Variants in ADGRG2 observed in about 807,000 individuals in gnomAD.
ADGRG2 encodes G protein-coupled receptor 64.
In ADGRG2, 26 loss-of-function variants were observed where a neutral mutation model predicts 74.1. The ratio of observed to expected loss-of-function variants is 0.35; its 90% CI spans 0.26 to 0.49. The LOEUF (loss-of-function observed/expected upper bound fraction) is 0.49, where lower values mean the gene tolerates loss of function less well. Among genes scored for constraint, ADGRG2 ranks in the 20% least tolerant of loss-of-function variants. The pLI is 0.99. For missense variants in ADGRG2, 619 were observed against 763.1 expected (o/e 0.81, Z 2.22); for synonymous variants, 296 against 295.2 (o/e 1.00, Z -0.03).
Position 19,065,590 on chromosome X carries a change from T to A in ADGRG2, c.118+3127A>T, listed in dbSNP as rs775477799. On this transcript the variant is annotated intron_variant, in intron 3 of 28. Transcript: ENST00000379869. ...ACATAATTTTTCAAAAAGACATATT[T>A]CTAACAAACAGCTTTCATTTGGATG... is the stretch of plus-strand genomic sequence containing the variant. Among the ~76,000 whole-genome samples, 84 of 112,158 alleles carry A rather than the reference T, an allele frequency of 7.5e-4. 1 individual carries two copies. Among genetic ancestry groups the A allele is most frequent in the African/African-American group, 2.5e-3 (78 of 30,893 alleles).
intron 3 of ADGRG2, among the ~76,000 whole-genome samples, 170 bp from the exon 4 acceptor site, chrX:19,040,394 A>G (rs964782500): frequency 8.9e-6 from 1 of 112,050 alleles, no homozygotes; most frequent in African/African-American, 3.2e-5. Flanking sequence ...TTCACTATCC[A>G]TATGTACTCC....
intron 1 of ADGRG2, among the ~76,000 whole-genome samples, chrX:19,099,860 C>T (rs2062157850): frequency 9.0e-6 from 1 of 111,155 alleles, no homozygotes; most frequent in Admixed American, 9.6e-5. Flanking sequence ...CATAGAGAAA[C>T]CCCATCTCTA....
intron 24 of ADGRG2, among the ~76,000 whole-genome samples, chrX:19,000,264 T>G (rs758057101): frequency 6.2e-4 from 70 of 112,125 alleles, no homozygotes; most frequent in African/African-American, 2.2e-3. Flanking sequence ...CCCAAAGTGC[T>G]GGGATTGCAG....
At chrX:19,032,456 T>C (rs1016754026) in intron 8 of ADGRG2, 10 of 112,112 alleles carry the variant, frequency 8.9e-5, no homozygotes, top group African/African-American at 3.2e-4. Flanking sequence ...ATTGCTGTAT[T>C]ACTTACTAAA....
rs767969300 is a variant in ADGRG2 at position 19,074,318 on chromosome X, C to T, written c.-1-5483G>A. On this transcript the variant is annotated intron_variant, in intron 2 of 28. Transcript: ENST00000379869. ...GCAGTGGCATGACCACGGTTCACTGCAGCCTCAACCTCGTGGGCTCAATTG... is the reference window on the plus strand; with the variant it reads ...GCAGTGGCATGACCACGGTTCACTGTAGCCTCAACCTCGTGGGCTCAATTG... 1.6e-4 allele frequency among the ~76,000 whole-genome samples: 11 copies of T among 69,776 alleles called. No homozygotes were observed. In the Admixed American group the frequency reaches 1.7e-3, roughly 11 times the overall value. 60.6% of individuals were successfully genotyped at this position (69,776 alleles called of 115,157 possible). A position where few individuals can be genotyped will look rare whatever the true frequency, so the allele number is the denominator to read the frequency against.
intron 17 of ADGRG2, among the ~76,000 whole-genome samples, chrX:19,010,123 GT>G (rs946891811): frequency 7.2e-4 from 67 of 93,081 alleles, no homozygotes; most frequent in East Asian, 1.0e-3. Flanking sequence ...TTTTGTTTTT[GT>G]TTTTTTTTTT....
intron 1 of ADGRG2, among the ~76,000 whole-genome samples, chrX:19,113,722 T>C (rs1168686754): frequency 8.9e-6 from 1 of 112,076 alleles, no homozygotes; most frequent in Non-Finnish European, 1.9e-5. Flanking sequence ...GTGTTCTTTG[T>C]ACTTTTTAAA....
chrX:19,045,333 A>G (rs1185811035), intron 3 of ADGRG2, among the ~76,000 whole-genome samples: 2 of 105,047 alleles, frequency 1.9e-5, no homozygotes, highest in African/African-American at 7.2e-5. Context: ...TTTGAGACAG[A>G]GTCTCGCTCT....
At chrX:19,105,800 G>A (rs1224611285) in intron 1 of ADGRG2, among the ~76,000 whole-genome samples, 1 of 108,680 alleles carries the variant, frequency 9.2e-6, no homozygotes, top group Non-Finnish European at 1.9e-5. Context: ...AAATTAGCAT[G>A]GTGGCGTGCA....
rs1263293183 is a variant in ADGRG2 at position 19,093,053 on chromosome X, G to T, written c.-46-10307C>A. 2.7e-5 allele frequency among the ~76,000 whole-genome samples: 3 copies of T among 111,591 alleles called. No individual in the cohort carries two copies. In the Admixed American group the frequency reaches 2.9e-4, roughly 11 times the overall value. On this transcript the variant is annotated intron_variant, in intron 1 of 28. Transcript: ENST00000379869. ...GCTCTTTGGTGCCCAAATAGAAAAGGGGATCGTGTTTTATTCTGAAATCTC... is the reference window on the plus strand; with the variant it reads ...GCTCTTTGGTGCCCAAATAGAAAAGTGGATCGTGTTTTATTCTGAAATCTC...
chrX:19,066,541 C>T (rs1477917702), intron 3 of ADGRG2, among the ~76,000 whole-genome samples: 1 of 103,663 alleles, frequency 9.6e-6, no homozygotes. Context: ...CTGCAACCTC[C>T]GCCTCCTGGG....
At chrX:19,037,382 G>T in intron 6 of ADGRG2, 85 bp downstream of exon 6, 1 of 700,935 alleles carries the variant, frequency 1.4e-6, no homozygotes, top group Non-Finnish European at 2.1e-6. Flanking sequence ...AAATAATTTA[G>T]AAATGGAAAC....
intron 24 of ADGRG2, among the ~76,000 whole-genome samples, chrX:19,002,540 T>C (rs2060151734): frequency 8.9e-6 from 1 of 112,111 alleles, no homozygotes; most frequent in South Asian, 3.7e-4. Context: ...CACCCCAAGC[T>C]AATGTTTTCA....
rs768393533 is a variant in ADGRG2, at chrX:19,069,698, G to A, written c.-1-863C>T. ...CTTCAGAGGGATGGCTTGACAGTGC[G>A]ACTTCGGAGGAGTTCAGCCGCAGAT... On this transcript the variant is annotated intron_variant, in intron 2 of 28. Coordinates refer to ENST00000379869, the MANE Select transcript of ADGRG2 (RefSeq NM_001079858.3). 1.6e-3 allele frequency among the ~76,000 whole-genome samples: 179 copies of A among 111,067 alleles called. 1 individual carries two copies. Among genetic ancestry groups the A allele is most frequent in the African/African-American group, 5.6e-3 (171 of 30,525 alleles).
At chrX:19,004,612 A>T (rs1321241224) in intron 23 of ADGRG2, 146 bp downstream of exon 23, 3 of 526,475 alleles carry the variant, frequency 5.7e-6, no homozygotes, top group Admixed American at 3.3e-5. Flanking sequence ...ATATAAACCA[A>T]CAAGTCCCAT....
Position 19,040,241 on chromosome X carries a change from G to A in ADGRG2, c.119-17C>T. 1 of 1,084,567 alleles carries A rather than the reference G, an allele frequency of 9.2e-7. No homozygotes were observed. Among genetic ancestry groups the A allele is most frequent in the Non-Finnish European group, 1.3e-6 (1 of 785,879 alleles). 89.4% of individuals were successfully genotyped at this position (1,084,567 alleles called of 1,213,427 possible). A position where few individuals can be genotyped will look rare whatever the true frequency, so the allele number is the denominator to read the frequency against. Reference sequence around the variant, plus strand: ...CAGTATCTTCTGTTGAGGAAAAGAGGTGATTCAGAATTAGTTTCATGAGGA... The same window carrying A: ...CAGTATCTTCTGTTGAGGAAAAGAGATGATTCAGAATTAGTTTCATGAGGA... On this transcript the variant is annotated splice_polypyrimidine_tract_variant and intron_variant, in intron 3 of 28. Transcript: ENST00000379869.
At chrX:19,059,947 C>T (rs775038410) in intron 3 of ADGRG2, among the ~76,000 whole-genome samples, 4 of 110,976 alleles carry the variant, frequency 3.6e-5, no homozygotes, top group Non-Finnish European at 5.7e-5. Context: ...GCCTGGCCAA[C>T]GTGGCAAAAC....
chrX:19,054,382 G>T (rs2061376315), intron 3 of ADGRG2, among the ~76,000 whole-genome samples: 1 of 111,873 alleles, frequency 8.9e-6, no homozygotes, highest in African/African-American at 3.2e-5. Context: ...CCTTAAGTGG[G>T]ATGCATGGTC....
intron 3 of ADGRG2, among the ~76,000 whole-genome samples, chrX:19,046,131 T>C (rs2061184146): frequency 8.9e-6 from 1 of 112,632 alleles, no homozygotes; most frequent in South Asian, 3.7e-4. Flanking sequence ...CCTGAGTAGC[T>C]GGGACTACAG....
Sources: gnomAD v4.1 joint callset for allele counts (sites outside exome capture counted in the v4.1 genomes callset) on GRCh38, gnomAD v4.1.1 for gene constraint, MANE v1.5 for transcripts, NCBI Gene and HGNC (gene_info 2026-07-23, HGNC 2026-07-21) for gene names.